ENOSF1: variants seen among roughly 807,000 people sequenced by gnomAD.
ENOSF1 encodes mitochondrial enolase superfamily member 1.
In ENOSF1, 73 loss-of-function variants were observed where a neutral mutation model predicts 68.2. The ratio of observed to expected loss-of-function variants is 1.07; its 90% CI spans 0.89 to 1.30. ENOSF1 has a LOEUF of 1.30. Ranked by LOEUF, ENOSF1 falls within the 50% of genes most tolerant of loss-of-function variation. ENOSF1 has a pLI of 0.00. For synonymous variants in ENOSF1, 223 were observed against 210.4 expected, an observed-to-expected ratio of 1.06 and a Z score of -0.52; for missense variants, 589 against 554.5, an observed-to-expected ratio of 1.06 and a Z score of -0.62.
intron 10 of ENOSF1, 51 bp downstream of exon 10, chr18:685,870 T>C (rs1274274899): frequency 1.5e-6 from 2 of 1,337,770 alleles, no homozygotes; most frequent in Non-Finnish European, 2.2e-6. Context: ...CGAGTTGTAT[T>C]TAGCCCTGGA....
At chr18:708,570 A>C (rs1000372743) in intron 1 of ENOSF1, among the ~76,000 whole-genome samples, 2 of 152,190 alleles carry the variant, frequency 1.3e-5, no homozygotes, top group Admixed American at 6.5e-5. Flanking sequence ...GAAAATGCTA[A>C]GGCCTGGGAG....
At position 671,471 on chromosome 18, in the gene ENOSF1, C is replaced by G; in HGVS notation, c.*2834G>C. ...ATTCAGGTAAGAATTAGATGTTATA[C>G]TTTTGGGTTTGGTACCTTCTCTTGA... is the stretch of plus-strand genomic sequence containing the variant. On this transcript the variant is annotated 3_prime_UTR_variant, in exon 16 of 16. Transcript: ENST00000647584. 1 of 1,563,728 alleles carries G rather than the reference C, an allele frequency of 6.4e-7. No individual in the cohort carries two copies. The highest frequency in any genetic ancestry group is 1.4e-5 in the African/African-American group (1 of 73,896).
At position 671,455 on chromosome 18, in the gene ENOSF1, A is replaced by AC; in HGVS notation, c.*2849_*2850insG. On this transcript the variant is annotated 3_prime_UTR_variant, in exon 16 of 16. Coordinates refer to ENST00000647584, the MANE Select transcript of ENOSF1 (RefSeq NM_017512.7). ...CATCGAGCCACTGAAAATTCAGGTA[A>AC]GAATTAGATGTTATACTTTTGGGTT... 6.3e-7 allele frequency: 1 copy of AC among 1,599,426 alleles called. No individual in the cohort carries two copies. Among genetic ancestry groups the AC allele is most frequent in the African/African-American group, 1.3e-5 (1 of 74,694 alleles).
rs745758443 is a variant in ENOSF1 at position 673,497 on chromosome 18, G to A, written c.*808C>T. The A allele has an allele frequency of 2.5e-5, 5 of 203,650 alleles. No homozygotes were observed. Among genetic ancestry groups the A allele is most frequent in the South Asian group, 1.9e-4 (1 of 5,278 alleles). The allele number at this position is 203,650 out of a possible 1,614,324, so 12.6% of individuals were successfully genotyped here. A position where few individuals can be genotyped will look rare whatever the true frequency, so the allele number is the denominator to read the frequency against. On this transcript the variant is annotated 3_prime_UTR_variant, in exon 16 of 16. Coordinates refer to ENST00000647584, the MANE Select transcript of ENOSF1 (RefSeq NM_017512.7). ...TATAATAAAGAAGTGTTCTGCATTC[G>A]TCCACGCTTTGTTCATTCTGTACTG...
At position 693,625 on chromosome 18, in the gene ENOSF1, G is replaced by A. The variant is rs1026181316; in HGVS notation, c.423+257C>T. On this transcript the variant is annotated intron_variant, in intron 5 of 15. Transcript: ENST00000647584. ...AATGGAGGCTCAGAGAACTGGCACC[G>A]TGTGTTACACATGCACAGTGGGGGA... 1.4e-5 allele frequency: 14 copies of A among 985,292 alleles called. No individual in the cohort carries two copies. In the African/African-American group the frequency reaches 1.6e-4, roughly 11 times the overall value. The allele number at this position is 985,292 out of a possible 1,614,324, so 61.0% of individuals were successfully genotyped here. A position where few individuals can be genotyped will look rare whatever the true frequency, so the allele number is the denominator to read the frequency against.
intron 5 of ENOSF1, chr18:693,212 A>C: frequency 7.8e-7 from 1 of 1,289,212 alleles, no homozygotes; most frequent in Non-Finnish European, 1.0e-6. Context: ...AAAACAGTCA[A>C]GTGCATAGCT....
rs2075044381 is a variant in ENOSF1, at chr18:671,391, T to C, written c.*2914A>G. On this transcript the variant is annotated 3_prime_UTR_variant, in exon 16 of 16. Transcript: ENST00000647584. ...CCCCGGGTTTATAGCCAGGTGACTT[T>C]ATACACACTTTGGGAGATGCACATA... is the stretch of plus-strand genomic sequence containing the variant. The C allele has an allele frequency of 6.2e-7, 1 of 1,611,926 alleles. No individual in the cohort carries two copies. Among genetic ancestry groups the C allele is most frequent in the Non-Finnish European group, 8.5e-7 (1 of 1,178,050 alleles).
At chr18:691,505 C>T in intron 5 of ENOSF1, 1 of 487,534 alleles carries the variant, frequency 2.1e-6, no homozygotes, top group Non-Finnish European at 3.6e-6. Context: ...GCCACTATGC[C>T]CGGCTAATTT....
At chr18:708,065 T>C (rs1375227560) in intron 1 of ENOSF1, among the ~76,000 whole-genome samples, 1 of 151,518 alleles carries the variant, frequency 6.6e-6, no homozygotes, top group Non-Finnish European at 1.5e-5. Context: ...TTTGCCATGT[T>C]GGCCAGGCTG....
chr18:667,529 A>T (rs368484830), downstream of ENOSF1, among the ~76,000 whole-genome samples: 207 of 16,868 alleles, frequency 0.012, 1 homozygote, highest in East Asian at 0.037. Context: ...ATGGTGATGG[A>T]GATGGTGATG....
Position 686,114 on chromosome 18 carries a change from G to A in ENOSF1, c.654-106C>T, listed in dbSNP as rs2076592194. 7 of 803,810 alleles carry A rather than the reference G, an allele frequency of 8.7e-6. No homozygotes were observed. The East Asian group carries it at 1.2e-4, about 14-fold the overall frequency. 49.8% of individuals were successfully genotyped at this position (803,810 alleles called of 1,614,324 possible). A position where few individuals can be genotyped will look rare whatever the true frequency, so the allele number is the denominator to read the frequency against. On this transcript the variant is annotated intron_variant, in intron 9 of 15. Transcript: ENST00000647584. ...GTCTCTGTCAACAATTCACAGATAT[G>A]TTTTTTAGTAACCTCTTGCTCTTTC...
At chr18:667,011 TGATGGAGATGGAGATGGTGATGGA>T (rs1567989804), downstream of ENOSF1, among the ~76,000 whole-genome samples, 614 of 5,872 alleles carry the variant, frequency 0.1, 136 homozygotes, top group Non-Finnish European at 0.15. Context: ...ATGGTGATGG[TGATGGAGATGGAGATGGTGATGGA>T]GATGGTGATG....
chr18:684,696 A>C (rs1407128276), intron 10 of ENOSF1, among the ~76,000 whole-genome samples: 1 of 152,072 alleles, frequency 6.6e-6, no homozygotes, highest in Non-Finnish European at 1.5e-5. Context: ...TCTGTGTACC[A>C]CTATCCTTCT....
chr18:703,463 A>G (rs1201637575), intron 2 of ENOSF1, among the ~76,000 whole-genome samples: 2 of 152,204 alleles, frequency 1.3e-5, no homozygotes, highest in Non-Finnish European at 2.9e-5. Flanking sequence ...GGAGAAAGGC[A>G]GCGGCTTCAT....
At position 672,750 on chromosome 18, in the gene ENOSF1, TAA is replaced by T; in HGVS notation, c.*1553_*1554del. On this transcript the variant is annotated 3_prime_UTR_variant, in exon 16 of 16. Coordinates refer to ENST00000647584, the MANE Select transcript of ENOSF1 (RefSeq NM_017512.7). ...AGGTATCGACAGGATCATACTCCTG[TAA>T]AATAGAACTTTGTTGATCACATCCT... The T allele has an allele frequency of 2.3e-6, 3 of 1,289,194 alleles. No homozygotes were observed. The highest frequency in any genetic ancestry group is 3.2e-6 in the Non-Finnish European group (3 of 944,968). 79.9% of individuals were successfully genotyped at this position (1,289,194 alleles called of 1,614,324 possible). A position where few individuals can be genotyped will look rare whatever the true frequency, so the allele number is the denominator to read the frequency against.
intron 11 of ENOSF1, among the ~76,000 whole-genome samples, chr18:679,484 C>T (rs1441552861): frequency 6.6e-6 from 1 of 151,790 alleles, no homozygotes; most frequent in Non-Finnish European, 1.5e-5. Context: ...GTTGGGATTA[C>T]AGGTGTGAGC....
At chr18:693,007 G>T in intron 5 of ENOSF1, 3 of 1,200,984 alleles carry the variant, frequency 2.5e-6, no homozygotes, top group Non-Finnish European at 2.1e-6. Context: ...CCGCCACCCA[G>T]GTGTTGCACT....
chr18:711,900 G>A (rs1366689498), intron 1 of ENOSF1, among the ~76,000 whole-genome samples: 1 of 152,168 alleles, frequency 6.6e-6, no homozygotes, highest in African/African-American at 2.4e-5. Context: ...AAGAGACCCA[G>A]AGAGGTCTGG....
the ENOSF1 span, among the ~76,000 whole-genome samples, chr18:663,291 T>A: frequency 7.2e-5 from 7 of 97,312 alleles, 2 homozygotes; most frequent in Non-Finnish European, 1.2e-4. Context: ...TTTTCATGTG[T>A]TTTTTGGCTG....
Sources: allele counts gnomAD v4.1 joint callset (sites outside exome capture counted in the v4.1 genomes callset), GRCh38; gene constraint gnomAD v4.1.1; transcripts MANE v1.5; gene names NCBI Gene and HGNC (gene_info 2026-07-23, HGNC 2026-07-21).